DGKB: variants seen among roughly 807,000 people sequenced by gnomAD.
DGKB encodes the protein 90 kDa diacylglycerol kinase.
A neutral mutation model predicts 114.3 loss-of-function variants in DGKB; 67 were observed. The observed-to-expected ratio is 0.59, with a 90% CI of 0.48 to 0.72. DGKB has a LOEUF of 0.72. Among genes scored for constraint, DGKB ranks in the 30% least tolerant of loss-of-function variants. The pLI is 0.00. For missense variants in DGKB, 907 were observed against 975.2 expected (o/e 0.93, Z 0.93); for synonymous variants, 398 against 323.1 (o/e 1.23, Z -2.49).
intron 7 of DGKB, among the ~76,000 whole-genome samples, chr7:14,698,598 T>C (rs1484106602): frequency 1.3e-5 from 2 of 152,158 alleles, no homozygotes; most frequent in Admixed American, 6.5e-5. Context: ...ACACTGAGAA[T>C]ATACATTGAC....
At chr7:14,525,123 T>C (rs1449530183) in intron 20 of DGKB, among the ~76,000 whole-genome samples, 3 of 152,118 alleles carry the variant, frequency 2.0e-5, no homozygotes, top group Admixed American at 6.6e-5. Flanking sequence ...TATTGGTACT[T>C]TGAACCCCTT....
At chr7:14,518,401 A>T (rs1190562920) in intron 20 of DGKB, among the ~76,000 whole-genome samples, 1 of 151,988 alleles carries the variant, frequency 6.6e-6, no homozygotes, top group Non-Finnish European at 1.5e-5. Context: ...CTGTATATCA[A>T]ACCCCCATGA....
At chr7:14,310,604 T>C (rs1585057628) in intron 23 of DGKB, among the ~76,000 whole-genome samples, 1 of 152,170 alleles carries the variant, frequency 6.6e-6, no homozygotes, top group Non-Finnish European at 1.5e-5. Flanking sequence ...CCTCCACAAC[T>C]CTCTATCTTT....
intron 2 of DGKB, among the ~76,000 whole-genome samples, chr7:14,781,750 T>G (rs1839127686): frequency 6.6e-6 from 1 of 152,192 alleles, no homozygotes; most frequent in Non-Finnish European, 1.5e-5. Flanking sequence ...ATTTGTATTA[T>G]AACATATAAC....
chr7:14,736,096 G>T lies in DGKB; in HGVS notation c.267C>A (p.Asn89Lys). Residue 89 changes from asparagine (N) to lysine (K), a missense_variant, in exon 5 of 26, where the codon AAC (asparagine) becomes AAA (lysine). Coordinates refer to ENST00000402815, the MANE Select transcript of DGKB (RefSeq NM_001350709.2). The part of the protein sequence containing the change: ...FTAHLFMSFS[N>K]KFPHSSPMVK... Reference sequence around the variant, plus strand: ...CCATTGGACTAGAATGAGGAAACTTGTTGCTAAATGACATGAAAAGGTGTG... The same window carrying T: ...CCATTGGACTAGAATGAGGAAACTTTTTGCTAAATGACATGAAAAGGTGTG... The T allele has an allele frequency of 1.2e-6, 2 of 1,610,334 alleles. No individual in the cohort carries two copies. The highest frequency in any genetic ancestry group is 1.7e-6 in the Non-Finnish European group (2 of 1,177,638).
At chr7:14,960,932 G>C (rs79509950) in intron 1 of DGKB, among the ~76,000 whole-genome samples, 4,738 of 152,040 alleles carry the variant, frequency 0.031, 105 homozygotes, top group Non-Finnish European at 0.052. Context: ...CGTGGGCGGA[G>C]GGCTTAGGAC....
intron 5 of DGKB, among the ~76,000 whole-genome samples, chr7:14,720,476 TGTGTG>T (rs1828974071): frequency 3.8e-4 from 4 of 10,530 alleles, no homozygotes; most frequent in Admixed American, 1.5e-3. Flanking sequence ...GGCTGATTTG[TGTGTG>T]TGTGTGTGTG....
intron 1 of DGKB, among the ~76,000 whole-genome samples, chr7:14,909,197 T>C (rs921612605): frequency 6.6e-6 from 1 of 152,190 alleles, no homozygotes; most frequent in Non-Finnish European, 1.5e-5. Flanking sequence ...ATGTATGTAC[T>C]GTGCAGCTCA....
intron 21 of DGKB, among the ~76,000 whole-genome samples, chr7:14,360,134 TA>T (rs1414692220): frequency 6.6e-6 from 1 of 151,896 alleles, no homozygotes; most frequent in Non-Finnish European, 1.5e-5. Context: ...TATACAGCCA[TA>T]AAAAAGGATG....
At chr7:14,618,279 A>G (rs565081281) in intron 15 of DGKB, among the ~76,000 whole-genome samples, 1 of 151,786 alleles carries the variant, frequency 6.6e-6, no homozygotes, top group Admixed American at 6.6e-5. Flanking sequence ...GATATTACAA[A>G]TAAGGAAGAT....
chr7:14,803,143 T>C (rs1177475316), intron 2 of DGKB, among the ~76,000 whole-genome samples: 1 of 152,060 alleles, frequency 6.6e-6, no homozygotes, highest in Non-Finnish European at 1.5e-5. Flanking sequence ...GATCTTATTA[T>C]GTTGTCTAGG....
intron 3 of DGKB, 100 bp downstream of exon 3, chr7:14,757,555 T>TACAC (rs74352324): frequency 1.8e-4 from 115 of 646,740 alleles, no homozygotes; most frequent in East Asian, 1.6e-3. Context: ...TACATATACA[T>TACAC]ACACACACAC....
chr7:14,490,066 T>A lies in DGKB; in HGVS notation c.1771-11841A>T, dbSNP rs529581474. 7.9e-5 allele frequency among the ~76,000 whole-genome samples: 12 copies of A among 151,748 alleles called. No individual in the cohort carries two copies. The South Asian group carries it at 2.5e-3, about 32-fold the overall frequency. ...TATCGATGCTGCACCAAGAACAGAG[T>A]GCAAAGTACAATTATATAGTTTTTA... On this transcript the variant is annotated intron_variant, in intron 20 of 25. Coordinates refer to ENST00000402815, the MANE Select transcript of DGKB (RefSeq NM_001350709.2).
chr7:14,207,711 CAAAAT>C, intron 23 of DGKB, among the ~76,000 whole-genome samples: 1 of 151,856 alleles, frequency 6.6e-6, no homozygotes, highest in East Asian at 1.9e-4. Flanking sequence ...ATAAATGTGT[CAAAAT>C]AAAACTGTTT....
At chr7:14,568,896 T>C (rs1797976276) in intron 20 of DGKB, among the ~76,000 whole-genome samples, 1 of 152,172 alleles carries the variant, frequency 6.6e-6, no homozygotes. Context: ...ACTTTGTAAC[T>C]AGACAGCAGA....
intron 18 of DGKB, among the ~76,000 whole-genome samples, chr7:14,582,311 A>G (rs1268717994): frequency 6.6e-6 from 1 of 152,190 alleles, no homozygotes; most frequent in Admixed American, 6.6e-5. Context: ...GAAAAAGCAA[A>G]TAATTTTCCT....
chr7:14,484,036 T>G (rs529165655), intron 20 of DGKB, among the ~76,000 whole-genome samples: 1 of 152,016 alleles, frequency 6.6e-6, no homozygotes, highest in South Asian at 2.1e-4. Flanking sequence ...ATGTAGGGTT[T>G]TTTTTTTTTT....
At chr7:14,454,965 C>A (rs903741871) in intron 21 of DGKB, among the ~76,000 whole-genome samples, 1 of 151,998 alleles carries the variant, frequency 6.6e-6, no homozygotes, top group Non-Finnish European at 1.5e-5. Context: ...GGCTTCAGAA[C>A]TGGTAAGAGG....
intron 10 of DGKB, among the ~76,000 whole-genome samples, chr7:14,685,014 G>A (rs1031334608): frequency 1.3e-5 from 2 of 152,098 alleles, no homozygotes; most frequent in African/African-American, 4.8e-5. Flanking sequence ...AAAGAAAATT[G>A]CTGAAGACTT....
Sources: gnomAD v4.1 joint callset for allele counts (sites outside exome capture counted in the v4.1 genomes callset) on GRCh38, gnomAD v4.1.1 for gene constraint, MANE v1.5 for transcripts, NCBI Gene and HGNC (gene_info 2026-07-23, HGNC 2026-07-21) for gene names.